GRK4: variants seen among roughly 807,000 people sequenced by gnomAD.
The protein encoded by GRK4 is G protein-coupled receptor kinase 2-like.
A neutral mutation model predicts 77.9 loss-of-function variants in GRK4; 73 were observed. The observed-to-expected ratio is 0.94, with a 90% CI of 0.78 to 1.14. The LOEUF (loss-of-function observed/expected upper bound fraction) is 1.14, where lower values mean the gene tolerates loss of function less well. Ranked by LOEUF, GRK4 falls within the 50% of genes most tolerant of loss-of-function variation. The pLI is 0.00. For missense variants in GRK4, 729 were observed against 700.2 expected, an observed-to-expected ratio of 1.04 and a Z score of -0.46; for synonymous variants, 257 against 254.4, an observed-to-expected ratio of 1.01 and a Z score of -0.10.
chr4:3,014,521 C>T (rs1024273935), intron 8 of GRK4, among the ~76,000 whole-genome samples: 11 of 151,778 alleles, frequency 7.2e-5, no homozygotes, highest in African/African-American at 2.4e-4. Context: ...TGGCCAGGCG[C>T]GGTGGCTCAC....
rs1726638666 is a variant in GRK4 at position 2,992,744 on chromosome 4, G to T, written c.339+452G>T. On this transcript the variant is annotated intron_variant, in intron 4 of 15. Coordinates refer to ENST00000398052, the MANE Select transcript of GRK4 (RefSeq NM_182982.3). Reference sequence around the variant, plus strand: ...GCCTGTAATCTCAGCACTTTGGGAGGCCGAGGCAGGCAGATCGCTTGAGCT... The same window carrying T: ...GCCTGTAATCTCAGCACTTTGGGAGTCCGAGGCAGGCAGATCGCTTGAGCT... Among the ~76,000 whole-genome samples the T allele has an allele frequency of 2.0e-5, 3 of 152,078 alleles. No individual in the cohort carries two copies. The South Asian group carries it at 6.2e-4, about 31-fold the overall frequency.
At chr4:3,011,156 G>A (rs1489623157) in intron 7 of GRK4, among the ~76,000 whole-genome samples, 1 of 152,170 alleles carries the variant, frequency 6.6e-6, no homozygotes, top group Non-Finnish European at 1.5e-5. Context: ...AAGAACAGAG[G>A]AAAAATTTCT....
At chr4:3,014,754 A>G (rs2109929927) in intron 8 of GRK4, among the ~76,000 whole-genome samples, 1 of 151,970 alleles carries the variant, frequency 6.6e-6, no homozygotes, top group Admixed American at 6.6e-5. Flanking sequence ...CTGAGATTGC[A>G]CCACCGCACT....
chr4:2,982,937 G>A (rs1037950489), intron 1 of GRK4, among the ~76,000 whole-genome samples: 1 of 152,194 alleles, frequency 6.6e-6, no homozygotes, highest in African/African-American at 2.4e-5. Context: ...AATCTTAACA[G>A]AAAGAAAAAA....
rs780571733 is a variant in GRK4 at position 3,038,381 on chromosome 4, C to A, written c.1551C>A (p.Ile517=). The A allele has an allele frequency of 5.6e-6, 9 of 1,613,986 alleles. No homozygotes were observed. The Admixed American group carries it at 1.3e-4, about 24-fold the overall frequency. Residue 517 remains isoleucine, a synonymous_variant, in exon 15 of 16, where the codon ATC becomes ATA. Coordinates refer to ENST00000398052, the MANE Select transcript of GRK4 (RefSeq NM_182982.3). ...CTGTTATTCTGTGCATGCAGATGATCGAATCTGGGTGTTTCAAAGACATCA... is the reference window on the plus strand; with the variant it reads ...CTGTTATTCTGTGCATGCAGATGATAGAATCTGGGTGTTTCAAAGACATCA... ...CVSIPWQNEM[I]ESGCFKDINK...
At chr4:3,027,401 C>G (rs1419043) in intron 10 of GRK4, among the ~76,000 whole-genome samples, 22,010 of 152,156 alleles carry the variant, frequency 0.14, 2,278 homozygotes, top group African/African-American at 0.29. Context: ...CTATATTCAA[C>G]GCATTAACAC....
Position 3,029,275 on chromosome 4 carries a change from A to G in GRK4, c.1135A>G (p.Met379Val). 6.2e-7 allele frequency: 1 copy of G among 1,614,204 alleles called. No individual in the cohort carries two copies. The highest frequency in any genetic ancestry group is 8.5e-7 in the Non-Finnish European group (1 of 1,180,006). ...GGGACTTGGCTGTCTGATCTATGAA[A>G]TGATTCAGGGACATTCTCCATTCAA... ...WWGLGCLIYEMIQGHSPFKKY... is the reference protein window; with the variant it reads ...WWGLGCLIYEVIQGHSPFKKY... The change falls in exon 12 of 16, where the codon ATG becomes GTG. Residue 379 changes from methionine (M) to valine (V), a missense_variant. Met to Val is a conservative substitution (Grantham distance 21). Transcript: ENST00000398052.
intron 10 of GRK4, among the ~76,000 whole-genome samples, chr4:3,024,056 G>T (rs995691020): frequency 1.3e-5 from 2 of 152,036 alleles, no homozygotes; most frequent in Non-Finnish European, 2.9e-5. Context: ...CCACATGTTT[G>T]AGCTGAGCTG....
intron 8 of GRK4, among the ~76,000 whole-genome samples, chr4:3,019,430 C>G (rs1397502635): frequency 6.6e-6 from 1 of 152,226 alleles, no homozygotes; most frequent in East Asian, 1.9e-4. Flanking sequence ...AGAAAGTTCT[C>G]TCTTTTGGCT....
chr4:3,006,592 C>T (rs1731400516), intron 5 of GRK4, among the ~76,000 whole-genome samples: 1 of 151,710 alleles, frequency 6.6e-6, no homozygotes. Flanking sequence ...CCAGCCTGGA[C>T]AACATGGTGA....
At chr4:2,999,103 A>T (rs1728801624) in intron 4 of GRK4, among the ~76,000 whole-genome samples, 1 of 152,212 alleles carries the variant, frequency 6.6e-6, no homozygotes, top group African/African-American at 2.4e-5. Flanking sequence ...CTAACAGAAT[A>T]CCTGAGATTG....
intron 3 of GRK4, 43 bp from the exon 4 acceptor site, chr4:2,992,172 C>T: frequency 1.4e-6 from 2 of 1,421,930 alleles, no homozygotes; most frequent in Non-Finnish European, 2.0e-6. Flanking sequence ...CACCACCACA[C>T]CCAGCTTAAC....
rs577022404 is a variant in GRK4 at position 3,019,341 on chromosome 4, C to G, written c.742-300C>G. Reference sequence around the variant, plus strand: ...CCGGGAAGTACAGAATGTCAGGGCTCAAGTGATGAGAGCACAACACAGAGG... The same window carrying G: ...CCGGGAAGTACAGAATGTCAGGGCTGAAGTGATGAGAGCACAACACAGAGG... On this transcript the variant is annotated intron_variant, in intron 8 of 15. Coordinates refer to ENST00000398052, the MANE Select transcript of GRK4 (RefSeq NM_182982.3). Among the ~76,000 whole-genome samples, 8 of 152,190 alleles carry G rather than the reference C, an allele frequency of 5.3e-5. No homozygotes were observed. The South Asian group carries it at 1.7e-3, about 32-fold the overall frequency.
chr4:3,016,746 A>C (rs1406274287), intron 8 of GRK4, among the ~76,000 whole-genome samples: 2 of 152,068 alleles, frequency 1.3e-5, no homozygotes, highest in African/African-American at 4.8e-5. Flanking sequence ...ACAAAACAAA[A>C]AAAACCCCCG....
chr4:2,999,600 C>CTA (rs1728947730), intron 4 of GRK4, among the ~76,000 whole-genome samples: 1 of 152,154 alleles, frequency 6.6e-6, no homozygotes, highest in African/African-American at 2.4e-5. Context: ...CACACGGAAG[C>CTA]CCTACCTCAT....
At chr4:2,976,233 G>GC (rs1553874267) in intron 1 of GRK4, among the ~76,000 whole-genome samples, 5 of 145,004 alleles carry the variant, frequency 3.4e-5, no homozygotes, top group Non-Finnish European at 6.1e-5. Context: ...CTTCTTCCTT[G>GC]TTTTTTTTTC....
At position 3,040,581 on chromosome 4, in the gene GRK4, A is replaced by G. The variant is rs775081932; in HGVS notation, c.1693A>G (p.Thr565Ala). 3 of 1,610,262 alleles carry G rather than the reference A, an allele frequency of 1.9e-6. No homozygotes were observed. The South Asian group carries it at 3.3e-5, about 18-fold the overall frequency. The change falls in exon 16 of 16, where the codon ACC (threonine) becomes GCC (alanine). Residue 565 changes from threonine to alanine, a missense_variant. By Grantham distance (58) the Thr-to-Ala change is moderately conservative (BLOSUM62 0). Transcript: ENST00000398052. Reference protein sequence around the residue: ...YRLFRRGGCLTMVPSEKEVEP... With the variant: ...YRLFRRGGCLAMVPSEKEVEP... ...CCGCTGTGTGTTGTAGGGCTGCCTGACCATGGTCCCCAGTGAGAAGGAAGT... is the reference window on the plus strand; with the variant it reads ...CCGCTGTGTGTTGTAGGGCTGCCTGGCCATGGTCCCCAGTGAGAAGGAAGT...
intron 4 of GRK4, among the ~76,000 whole-genome samples, chr4:3,000,067 T>C (rs1428526177): frequency 1.3e-5 from 2 of 152,186 alleles, no homozygotes; most frequent in East Asian, 3.8e-4. Context: ...TTCCTCTGCC[T>C]AAAATTTTAA....
At chr4:3,008,003 G>C (rs1168610512) in intron 6 of GRK4, among the ~76,000 whole-genome samples, 175 bp downstream of exon 6, 1 of 152,094 alleles carries the variant, frequency 6.6e-6, no homozygotes, top group East Asian at 1.9e-4. Context: ...AATGTAGCAA[G>C]ACCCCATCTC....
Sources: allele counts gnomAD v4.1 joint callset (sites outside exome capture counted in the v4.1 genomes callset), GRCh38; gene constraint gnomAD v4.1.1; transcripts MANE v1.5; gene names NCBI Gene and HGNC (gene_info 2026-07-23, HGNC 2026-07-21).